TSC22D1: variants seen among roughly 807,000 people sequenced by gnomAD.
TSC22D1 encodes the protein TSC22 domain family member 1.
Under a neutral mutation model 74.2 loss-of-function variants are expected in TSC22D1, and 9 were observed. That is an observed-to-expected ratio of 0.12 (90% CI 0.07 to 0.21). TSC22D1 has a LOEUF of 0.21. Ranked by LOEUF, TSC22D1 falls within the 10% of genes least tolerant of loss-of-function variation. The pLI is 1.00. For synonymous variants in TSC22D1, 586 were observed against 492.5 expected (o/e 1.19, Z -2.51); for missense variants, 1,427 against 1,304.7 (o/e 1.09, Z -1.44).
At chr13:44,546,691 A>C (rs371449907) in intron 1 of TSC22D1, among the ~76,000 whole-genome samples, 2 of 152,034 alleles carry the variant, frequency 1.3e-5, no homozygotes, top group Non-Finnish European at 2.9e-5. Flanking sequence ...ATGGTTATAC[A>C]TGATACAAAC....
At chr13:44,523,119 T>C (rs1428648375) in intron 1 of TSC22D1, among the ~76,000 whole-genome samples, 1 of 151,602 alleles carries the variant, frequency 6.6e-6, no homozygotes, top group Non-Finnish European at 1.5e-5. Context: ...ACCACACCCC[T>C]ATTAGACAGG....
chr13:44,558,245 C>T (rs1178461608), intron 1 of TSC22D1, among the ~76,000 whole-genome samples: 7 of 152,198 alleles, frequency 4.6e-5, no homozygotes, highest in African/African-American at 1.4e-4. Flanking sequence ...TACTGACTAG[C>T]TCCATCACTT....
intron 1 of TSC22D1, among the ~76,000 whole-genome samples, chr13:44,564,705 C>T (rs1006576722): frequency 6.6e-6 from 1 of 152,040 alleles, no homozygotes; most frequent in Non-Finnish European, 1.5e-5. Flanking sequence ...AGTAAGTTAC[C>T]TGAACAGATT....
intron 1 of TSC22D1, among the ~76,000 whole-genome samples, chr13:44,551,299 A>C (rs961950766): frequency 7.1e-6 from 1 of 140,352 alleles, no homozygotes; most frequent in African/African-American, 2.7e-5. Flanking sequence ...CCAAAACCCC[A>C]ATCAGCTGGG....
rs112613609 is a variant in TSC22D1 at position 44,574,569 on chromosome 13, TTGC to T, written c.1503_1505del (p.Gln509del). On this transcript the variant is annotated inframe_deletion, in exon 1 of 3. Transcript: ENST00000458659. The stretch of plus-strand genomic sequence containing the variant: ...CTGGTTGTTGCTGTTGTTGTTGTTG[TTGC>T]TGCTGCTGCTGCTGCACCACCACAG... The T allele has an allele frequency of 1.7e-4, 272 of 1,605,094 alleles. 1 individual carries two copies. The highest frequency in any genetic ancestry group is 3.9e-4 in the African/African-American group (28 of 71,790).
At chr13:44,436,461 T>A in intron 1 of TSC22D1, 1 of 1,599,356 alleles carries the variant, frequency 6.3e-7, no homozygotes, top group Non-Finnish European at 8.6e-7. Flanking sequence ...ATTATAAGTA[T>A]CCCACGAATA....
chr13:44,547,858 C>T (rs1881932464), intron 1 of TSC22D1, among the ~76,000 whole-genome samples: 2 of 152,072 alleles, frequency 1.3e-5, no homozygotes, highest in Non-Finnish European at 2.9e-5. Context: ...GGTACAATCA[C>T]GGCACACTAC....
intron 1 of TSC22D1, among the ~76,000 whole-genome samples, chr13:44,495,244 A>C (rs1311053355): frequency 6.6e-6 from 1 of 151,988 alleles, no homozygotes. Context: ...TTCTCAGCAG[A>C]AACTGTATGT....
chr13:44,517,153 T>C (rs1365339526), intron 1 of TSC22D1, among the ~76,000 whole-genome samples: 6 of 152,184 alleles, frequency 3.9e-5, no homozygotes, highest in African/African-American at 1.4e-4. Context: ...TATGTGTGTA[T>C]ATGCATTTTA....
At chr13:44,496,455 G>A (rs1003979032) in intron 1 of TSC22D1, among the ~76,000 whole-genome samples, 1 of 152,134 alleles carries the variant, frequency 6.6e-6, no homozygotes, top group Non-Finnish European at 1.5e-5. Flanking sequence ...GGCCGAGGCG[G>A]GTGGATCACC....
Position 44,575,480 on chromosome 13 carries a change from G to A in TSC22D1, c.595C>T (p.Pro199Ser). ...TGTTGTGGAAGGTGAGGCAAATGAG[G>A]CTGAGGAAGGTGGGGCTGGTTGGGA... is the stretch of plus-strand genomic sequence containing the variant. ...VSPNQPHLPQPHLPHLPQQNV... is the reference protein window; with the variant it reads ...VSPNQPHLPQSHLPHLPQQNV... The change falls in exon 1 of 3, where the codon CCT becomes TCT. Residue 199 changes from proline to serine, a missense_variant. By Grantham distance (74) the Pro-to-Ser change is moderately conservative (BLOSUM62 -1). This residue lies in a region of TSC22D1 where 1,343 missense variants were observed against 1,191.5 expected (regional missense o/e 1.13). Transcript: ENST00000458659. The A allele has an allele frequency of 1.9e-6, 3 of 1,614,144 alleles. No individual in the cohort carries two copies. In the Middle Eastern group the frequency reaches 5.0e-4, roughly 266 times the overall value.
chr13:44,521,694 A>G (rs1880325379), intron 1 of TSC22D1, among the ~76,000 whole-genome samples: 2 of 152,142 alleles, frequency 1.3e-5, no homozygotes, highest in Admixed American at 6.5e-5. Context: ...AAAAAAAAAA[A>G]AAAGAAACCT....
At chr13:44,491,248 G>A (rs151099240) in intron 1 of TSC22D1, among the ~76,000 whole-genome samples, 2 of 151,998 alleles carry the variant, frequency 1.3e-5, no homozygotes, top group Non-Finnish European at 2.9e-5. Flanking sequence ...GACAATATAT[G>A]TAACCTGAAG....
chr13:44,534,144 G>C (rs1160301610), intron 1 of TSC22D1, among the ~76,000 whole-genome samples: 2 of 151,098 alleles, frequency 1.3e-5, no homozygotes, highest in African/African-American at 4.9e-5. Flanking sequence ...AGGATCACCT[G>C]AACCTGGGGA....
intron 1 of TSC22D1, among the ~76,000 whole-genome samples, chr13:44,478,562 TA>T (rs1359164860): frequency 6.6e-6 from 1 of 152,090 alleles, no homozygotes; most frequent in East Asian, 1.9e-4. Context: ...GGGGGAAGGG[TA>T]AAATAATGGG....
intron 1 of TSC22D1, among the ~76,000 whole-genome samples, chr13:44,521,884 A>T (rs1476842535): frequency 6.6e-6 from 1 of 152,204 alleles, no homozygotes; most frequent in East Asian, 1.9e-4. Context: ...AAATTTGGGC[A>T]TCTCAAAGGC....
chr13:44,555,247 T>C (rs1193607203), intron 1 of TSC22D1, among the ~76,000 whole-genome samples: 8 of 152,166 alleles, frequency 5.3e-5, no homozygotes, highest in Non-Finnish European at 1.2e-4. Flanking sequence ...CAGAATGTTA[T>C]TCTTAGGCCC....
intron 1 of TSC22D1, among the ~76,000 whole-genome samples, chr13:44,555,642 T>C (rs1882589891): frequency 6.6e-6 from 1 of 151,966 alleles, no homozygotes; most frequent in Admixed American, 6.6e-5. Flanking sequence ...AACAAATATG[T>C]ACAGCCATCC....
At chr13:44,533,308 A>G (rs1263969203) in intron 1 of TSC22D1, among the ~76,000 whole-genome samples, 1 of 151,138 alleles carries the variant, frequency 6.6e-6, no homozygotes, top group African/African-American at 2.4e-5. Flanking sequence ...TAGAAGTACA[A>G]AAAATTAGCT....
Sources: allele counts gnomAD v4.1 joint callset (sites outside exome capture counted in the v4.1 genomes callset), GRCh38; gene constraint gnomAD v4.1.1; regional missense constraint gnomAD v4.1.1; transcripts MANE v1.5; gene names NCBI Gene and HGNC (gene_info 2026-07-23, HGNC 2026-07-21).